The following SCHIP1 variants were observed in gnomAD, a reference collection of about 807,000 sequenced individuals.
SCHIP1 encodes the protein schwannomin interacting protein 1, also known as schwannomin-interacting protein 1.
In SCHIP1, 8 loss-of-function variants were observed where a neutral mutation model predicts 29.7. That is an observed-to-expected ratio of 0.27 (90% CI 0.16 to 0.49). The LOEUF (loss-of-function observed/expected upper bound fraction) is 0.49. SCHIP1 is among the 20% of genes least tolerant of loss of function. The pLI, the probability that SCHIP1 is intolerant of heterozygous loss-of-function variation, is 0.99. For synonymous variants in SCHIP1, 76 were observed against 94.9 expected, an observed-to-expected ratio of 0.80 and a Z score of 1.16; for missense variants, 193 against 294.6, an observed-to-expected ratio of 0.66 and a Z score of 2.52.
chr3:159,844,836 G>A (rs551760008), intron 1 of SCHIP1, among the ~76,000 whole-genome samples: 3 of 152,188 alleles, frequency 2.0e-5, no homozygotes, highest in East Asian at 3.9e-4. Flanking sequence ...CCTTATGACC[G>A]CCCCAGATAT....
the SCHIP1 span, among the ~76,000 whole-genome samples, chr3:159,664,257 G>A: frequency 6.6e-6 from 1 of 152,178 alleles, no homozygotes. Flanking sequence ...TGTGGGCAGA[G>A]GGTGGAGAGA....
At chr3:159,651,729 T>A in the SCHIP1 span, among the ~76,000 whole-genome samples, 2 of 152,214 alleles carry the variant, frequency 1.3e-5, no homozygotes, top group Admixed American at 6.5e-5. Flanking sequence ...CTTTTTTTAC[T>A]GAAAAGTCTA....
chr3:159,850,568 G>GAAAAAAAAAAAAAAAAAAAA, intron 1 of SCHIP1, among the ~76,000 whole-genome samples: 1 of 135,840 alleles, frequency 7.4e-6, no homozygotes. Context: ...AAAAAAAAAG[G>GAAAAAAAAAAAAAAAAAAAA]AAATACGTGA....
At chr3:159,345,260 A>T in the SCHIP1 span, among the ~76,000 whole-genome samples, 2 of 151,734 alleles carry the variant, frequency 1.3e-5, no homozygotes, top group Non-Finnish European at 2.9e-5. Flanking sequence ...GCTAAATCGC[A>T]GTGACATAAA....
the SCHIP1 span, among the ~76,000 whole-genome samples, chr3:159,587,474 T>A: frequency 8.7e-4 from 133 of 152,310 alleles, 1 homozygote; most frequent in South Asian, 0.014. Flanking sequence ...ACATAACTTT[T>A]TTATTTTTAT....
the SCHIP1 span, among the ~76,000 whole-genome samples, chr3:159,675,281 T>C: frequency 6.6e-6 from 1 of 152,176 alleles, no homozygotes; most frequent in Non-Finnish European, 1.5e-5. Context: ...ATAATGCTAG[T>C]GAAGAGGAAA....
At chr3:159,660,446 A>C in the SCHIP1 span, among the ~76,000 whole-genome samples, 1 of 152,178 alleles carries the variant, frequency 6.6e-6, no homozygotes, top group Non-Finnish European at 1.5e-5. Context: ...AATATTCATG[A>C]GTAAGATTTT....
At chr3:159,705,218 C>T in the SCHIP1 span, among the ~76,000 whole-genome samples, 1 of 152,148 alleles carries the variant, frequency 6.6e-6, no homozygotes, top group Non-Finnish European at 1.5e-5. Context: ...CCTGCCTCAG[C>T]CTCCCAAAGT....
the SCHIP1 span, among the ~76,000 whole-genome samples, chr3:159,461,563 T>C: frequency 6.6e-6 from 1 of 151,910 alleles, no homozygotes; most frequent in South Asian, 2.1e-4. Context: ...CGGAAGTATA[T>C]ATACCAGACT....
the SCHIP1 span, chr3:159,764,681 A>T: frequency 8.8e-6 from 14 of 1,584,822 alleles, no homozygotes; most frequent in African/African-American, 1.9e-4. This position sits in a 1 kb window ranked among gnomAD's most constrained non-coding sequence, Gnocchi z 6.1. Flanking sequence ...GGGGAGGAGG[A>T]GGAAGAGGAG....
At chr3:159,888,733 GGGTC>G in intron 4 of SCHIP1, 83 bp from the exon 6 acceptor site, 1 of 1,543,060 alleles carries the variant, frequency 6.5e-7, no homozygotes, top group African/African-American at 1.4e-5. Flanking sequence ...GTGGGTGAGT[GGGTC>G]TTTTAAGAGA....
chr3:159,419,291 A>G, the SCHIP1 span, among the ~76,000 whole-genome samples: 2 of 152,088 alleles, frequency 1.3e-5, no homozygotes, highest in Non-Finnish European at 2.9e-5. Flanking sequence ...GGAGGACTAG[A>G]GGTGCTGTGT....
At chr3:159,744,767 G>A in the SCHIP1 span, among the ~76,000 whole-genome samples, 1 of 152,138 alleles carries the variant, frequency 6.6e-6, no homozygotes, top group Non-Finnish European at 1.5e-5. Context: ...CACGAGGTCA[G>A]GAGATCGAGA....
chr3:159,399,212 G>T, the SCHIP1 span, among the ~76,000 whole-genome samples: 1 of 152,008 alleles, frequency 6.6e-6, no homozygotes, highest in South Asian at 2.1e-4. Context: ...TTCTCAATGT[G>T]GCCTTACCAA....
At chr3:159,430,665 G>A in the SCHIP1 span, among the ~76,000 whole-genome samples, 1 of 152,092 alleles carries the variant, frequency 6.6e-6, no homozygotes, top group African/African-American at 2.4e-5. Context: ...CACTCCTGGG[G>A]TGAAAGCCCC....
chr3:159,399,518 A>C, the SCHIP1 span, among the ~76,000 whole-genome samples: 1 of 152,164 alleles, frequency 6.6e-6, no homozygotes, highest in African/African-American at 2.4e-5. Flanking sequence ...TTTGCTTAGC[A>C]CAAAAGTTCT....
the SCHIP1 span, among the ~76,000 whole-genome samples, chr3:159,468,959 G>C: frequency 4.0e-5 from 6 of 151,338 alleles, no homozygotes; most frequent in Non-Finnish European, 8.8e-5. Flanking sequence ...GTAAAGACGG[G>C]GTTTCACCGT....
At chr3:159,700,854 A>T in the SCHIP1 span, among the ~76,000 whole-genome samples, 1 of 152,052 alleles carries the variant, frequency 6.6e-6, no homozygotes, top group African/African-American at 2.4e-5. Flanking sequence ...AGACAGAAAA[A>T]TAAATTAAGG....
chr3:159,384,877 A>G, the SCHIP1 span, among the ~76,000 whole-genome samples: 29 of 152,110 alleles, frequency 1.9e-4, no homozygotes, highest in East Asian at 2.3e-3. Flanking sequence ...TTTCTTCTAG[A>G]TTTTCTAGTT....
Sources: allele counts gnomAD v4.1 joint callset (sites outside exome capture counted in the v4.1 genomes callset), GRCh38; gene constraint gnomAD v4.1.1; non-coding constraint Gnocchi (gnomAD v3.1); transcripts MANE v1.5; gene names NCBI Gene and HGNC (gene_info 2026-07-23, HGNC 2026-07-21).